MAPK10: variants seen among roughly 807,000 people sequenced by gnomAD.
The protein encoded by MAPK10 is mitogen-activated protein kinase 10.
In MAPK10, 25 loss-of-function variants were observed where a neutral mutation model predicts 59.3. The observed-to-expected ratio is 0.42, with a 90% CI of 0.31 to 0.59. MAPK10 has a LOEUF of 0.59. MAPK10 is among the 20% of genes least tolerant of loss of function. MAPK10 has a pLI of 0.15. For missense variants in MAPK10, 351 were observed against 568.9 expected (o/e 0.62, Z 3.90); for synonymous variants, 190 against 200.5 (o/e 0.95, Z 0.44).
chr4:86,289,911 A>C (rs1286409790), intron 2 of MAPK10, among the ~76,000 whole-genome samples: 8 of 152,156 alleles, frequency 5.3e-5, no homozygotes, highest in Admixed American at 5.2e-4. Flanking sequence ...TATGTGAATA[A>C]TGATGTCATT....
Position 86,570,592 on chromosome 4 carries a change from A to G in MAPK10, c.-263+23318T>C, listed in dbSNP as rs370715032. ...GTTCTAAAATATTTACTTGCTGTAA[A>G]CTTCACAGAAAAAGTTTGCTGATCC... On this transcript the variant is annotated intron_variant, in intron 1 of 4. Transcript: ENST00000502302. Among the ~76,000 whole-genome samples the G allele has an allele frequency of 2.0e-5, 3 of 152,254 alleles. No individual in the cohort carries two copies. The East Asian group carries it at 5.8e-4, about 29-fold the overall frequency.
intron 3 of MAPK10, among the ~76,000 whole-genome samples, chr4:86,162,181 A>G (rs1435984752): frequency 6.6e-6 from 1 of 151,902 alleles, no homozygotes; most frequent in African/African-American, 2.4e-5. Context: ...TGGATAATAC[A>G]TTCTACAGAA....
chr4:86,090,123 A>G (rs190434865), intron 9 of MAPK10, among the ~76,000 whole-genome samples: 43 of 152,116 alleles, frequency 2.8e-4, no homozygotes, highest in Non-Finnish European at 5.7e-4. Flanking sequence ...GGGAAGGGTG[A>G]AGCAAGAAAG....
intron 2 of MAPK10, among the ~76,000 whole-genome samples, chr4:86,311,374 T>C (rs1564249510): frequency 6.6e-6 from 1 of 152,152 alleles, no homozygotes; most frequent in South Asian, 2.1e-4. Context: ...ATAAACTCTT[T>C]TAATGGCACT....
intron 1 of MAPK10, among the ~76,000 whole-genome samples, chr4:86,424,137 C>T (rs1746946527): frequency 6.6e-6 from 1 of 152,038 alleles, no homozygotes; most frequent in African/African-American, 2.4e-5. Flanking sequence ...ACCAACTTTG[C>T]TTCCCACACT....
At chr4:86,251,554 T>A (rs2093432935) in intron 2 of MAPK10, among the ~76,000 whole-genome samples, 1 of 134,634 alleles carries the variant, frequency 7.4e-6, no homozygotes, top group Non-Finnish European at 1.6e-5. Context: ...ATGTGCCACA[T>A]TTTCTTAATC....
rs1757289424 is a variant in MAPK10 at position 86,523,851 on chromosome 4, C to A, written c.-263+70059G>T. 2.0e-5 allele frequency among the ~76,000 whole-genome samples: 3 copies of A among 152,204 alleles called. No individual in the cohort carries two copies. In the South Asian group the frequency reaches 6.2e-4, roughly 32 times the overall value. ...AAAATGTTTACATTGAACTCATTTT[C>A]TTTCTCTATCTACGCTTGGCTTAGA... On this transcript the variant is annotated intron_variant, in intron 1 of 4. Coordinates refer to the MAPK10 transcript ENST00000502302.
At chr4:86,194,855 T>G (rs986460772) in intron 2 of MAPK10, among the ~76,000 whole-genome samples, 3 of 151,924 alleles carry the variant, frequency 2.0e-5, no homozygotes, top group African/African-American at 7.2e-5. Context: ...TAGAGCTTAC[T>G]GTATCAGTAA....
In MAPK10 at chr4:86,263,792, G is replaced by A. The variant is rs142782859; in HGVS notation, c.-6-69385C>T. On this transcript the variant is annotated intron_variant, in intron 2 of 13. Coordinates refer to ENST00000641462, the MANE Select transcript of MAPK10 (RefSeq NM_138982.4). ...CCTGTGAGGTTTTTTGATAGACACT[G>A]AAAATATGCATTGATATTTGGCACA... Among the ~76,000 whole-genome samples the A allele has an allele frequency of 5.8e-3, 886 of 152,276 alleles. 8 individuals carry two copies. The highest frequency in any genetic ancestry group is 0.02 in the African/African-American group (834 of 41,554).
At chr4:86,536,228 T>C (rs972908151) in intron 1 of MAPK10, among the ~76,000 whole-genome samples, 1 of 152,232 alleles carries the variant, frequency 6.6e-6, no homozygotes, top group Non-Finnish European at 1.5e-5. Flanking sequence ...ATAATACTTA[T>C]AACAGTAAAT....
intron 1 of MAPK10, among the ~76,000 whole-genome samples, chr4:86,551,788 A>G (rs917038401): frequency 1.3e-5 from 2 of 152,128 alleles, no homozygotes; most frequent in African/African-American, 4.8e-5. Context: ...TATTTTTAGT[A>G]GAGACAAGGT....
chr4:86,412,511 A>T (rs1022895004), intron 1 of MAPK10, among the ~76,000 whole-genome samples: 2 of 152,094 alleles, frequency 1.3e-5, no homozygotes, highest in African/African-American at 4.8e-5. Flanking sequence ...ACTTGGTTCC[A>T]TTCTCCCTGT....
Position 86,101,994 on chromosome 4 carries a change from T to C in MAPK10, c.464A>G (p.Gln155Arg). The change falls in exon 7 of 14, where the codon CAA becomes CGA. Residue 155 changes from glutamine to arginine, a missense_variant. Physicochemically the swap from Gln to Arg is conservative, Grantham distance 43. This residue lies in a region of MAPK10 where 76 missense variants were observed against 197.9 expected (regional missense o/e 0.38). Coordinates refer to ENST00000641462, the MANE Select transcript of MAPK10 (RefSeq NM_138982.4). ...VMELMDANLC[Q>R]VIQMELDHER... The stretch of plus-strand genomic sequence containing the variant: ...ATGGTCTAATTCCATCTGAATCACT[T>C]GACATAAGTTGGCATCCATCAGTTC... 6.2e-7 allele frequency: 1 copy of C among 1,614,000 alleles called. No homozygotes were observed. Among genetic ancestry groups the C allele is most frequent in the Non-Finnish European group, 8.5e-7 (1 of 1,179,880 alleles).
intron 1 of MAPK10, among the ~76,000 whole-genome samples, chr4:86,484,699 G>A (rs1753855420): frequency 6.6e-6 from 1 of 152,080 alleles, no homozygotes; most frequent in African/African-American, 2.4e-5. Flanking sequence ...TAATCTTTAT[G>A]TGAACCAGAC....
chr4:86,208,350 G>A (rs1009905523), intron 2 of MAPK10, among the ~76,000 whole-genome samples: 1 of 148,904 alleles, frequency 6.7e-6, no homozygotes, highest in Non-Finnish European at 1.5e-5. Context: ...ATAAAATACT[G>A]GCAATCTGAA....
At chr4:86,381,072 T>C (rs908033065) in intron 1 of MAPK10, among the ~76,000 whole-genome samples, 1 of 152,158 alleles carries the variant, frequency 6.6e-6, no homozygotes, top group African/African-American at 2.4e-5. Context: ...TTTTCATTAG[T>C]GTCACTGTTT....
In MAPK10 at chr4:86,054,473, G is replaced by A. The variant is rs2044166225; in HGVS notation, c.1110+9793C>T. Among the ~76,000 whole-genome samples, 5 of 152,146 alleles carry A rather than the reference G, an allele frequency of 3.3e-5. No homozygotes were observed. The South Asian group carries it at 8.3e-4, about 25-fold the overall frequency. The stretch of plus-strand genomic sequence containing the variant: ...CTATATTTTCTCTGGAAGGCAATTA[G>A]TAAACTGCTCATATTTTGCTGCTGA... On this transcript the variant is annotated intron_variant, in intron 11 of 13. Coordinates refer to ENST00000641462, the MANE Select transcript of MAPK10 (RefSeq NM_138982.4).
At chr4:86,305,196 CA>C (rs937311911) in intron 2 of MAPK10, among the ~76,000 whole-genome samples, 1 of 152,082 alleles carries the variant, frequency 6.6e-6, no homozygotes, top group Non-Finnish European at 1.5e-5. Context: ...TGTTGAAACA[CA>C]TTTTATTTAT....
intron 2 of MAPK10, among the ~76,000 whole-genome samples, chr4:86,290,209 C>G (rs1221841812): frequency 2.0e-5 from 3 of 152,086 alleles, no homozygotes; most frequent in East Asian, 3.8e-4. Context: ...AAAGGAGAAA[C>G]CAGTGAAGGA....
Sources: gnomAD v4.1 joint callset for allele counts (sites outside exome capture counted in the v4.1 genomes callset) on GRCh38, gnomAD v4.1.1 for gene constraint, gnomAD v4.1.1 regional missense constraint, MANE v1.5 for transcripts, NCBI Gene and HGNC (gene_info 2026-07-23, HGNC 2026-07-21) for gene names.